The following UNC5C variants were observed in gnomAD, a reference collection of about 807,000 sequenced individuals.
The protein encoded by UNC5C is netrin receptor UNC5C.
UNC5C carries 47 observed loss-of-function variants against 99.8 expected under a neutral mutation model. The observed-to-expected ratio is 0.47, with a 90% CI of 0.37 to 0.60. The LOEUF is 0.60. Among genes scored for constraint, UNC5C ranks in the 20% least tolerant of loss-of-function variants. The pLI is 0.00. For missense variants in UNC5C, 1,062 were observed against 1,165.9 expected (o/e 0.91, Z 1.30); for synonymous variants, 487 against 452.2 (o/e 1.08, Z -0.98).
rs1735858310 is a variant in UNC5C at position 95,166,405 on chromosome 4, T to C, written c.*2829A>G. The C allele has an allele frequency of 6.6e-6, 1 of 152,230 alleles. No homozygotes were observed. The highest frequency in any genetic ancestry group is 1.5e-5 in the Non-Finnish European group (1 of 68,040). The allele number at this position is 152,230 out of a possible 1,614,324, so 9.4% of individuals were successfully genotyped here. On this transcript the variant is annotated 3_prime_UTR_variant, in exon 16 of 16. Coordinates refer to ENST00000453304, the MANE Select transcript of UNC5C (RefSeq NM_003728.4). ...ACTTAATAGGAAACATTAAGGGTTC[T>C]GACAGATGAGTACCTCACACACGAA...
chr4:95,334,048 C>T (rs1743230990), intron 2 of UNC5C, among the ~76,000 whole-genome samples: 1 of 151,986 alleles, frequency 6.6e-6, no homozygotes, highest in African/African-American at 2.4e-5. Context: ...ATTCAGTGAG[C>T]ATATTGATTC....
Position 95,219,053 on chromosome 4 carries a change from T to C in UNC5C, c.1561A>G (p.Ser521Gly). 1 of 1,614,160 alleles carries C rather than the reference T, an allele frequency of 6.2e-7. No individual in the cohort carries two copies. Among genetic ancestry groups the C allele is most frequent in the Non-Finnish European group, 8.5e-7 (1 of 1,180,016 alleles). Residue 521 changes from serine (S) to glycine (G), a missense_variant, in exon 9 of 16, where the codon AGT becomes GGT. Physicochemically the swap from Ser to Gly is moderately conservative, Grantham distance 56 (BLOSUM62 0). Around this residue, in one of 3 missense-constraint regions of UNC5C, gnomAD observed 810 missense variants for 854.5 expected, o/e 0.95. Transcript: ENST00000453304. ...ENEALSLKNQ[S>G]LARQTDPSCT... ...GATGGATCAGTCTGCCTTGCTAGAC[T>C]CTGGTTCTTCAGGCTGAGGGCTTCA...
At chr4:95,488,004 C>A (rs1053388732) in intron 1 of UNC5C, among the ~76,000 whole-genome samples, 1 of 151,664 alleles carries the variant, frequency 6.6e-6, no homozygotes, top group Admixed American at 6.6e-5. Context: ...CAAAACTTTT[C>A]GGATGTTTTG....
intron 1 of UNC5C, among the ~76,000 whole-genome samples, chr4:95,360,526 TAAGTA>T (rs1310305223): frequency 6.6e-6 from 1 of 152,188 alleles, no homozygotes; most frequent in Non-Finnish European, 1.5e-5. Context: ...GATTCCAAGT[TAAGTA>T]GTGCAATACA....
Position 95,183,211 on chromosome 4 carries a change from A to G in UNC5C, c.2287-150T>C. On this transcript the variant is annotated intron_variant, in intron 13 of 15. Transcript: ENST00000453304. ...ATGTTTAAGTACATCCTGGACCCTT[A>G]TCACATGAAAAACTTGAGGGCCAGA... The G allele has an allele frequency of 5.7e-6, 4 of 698,140 alleles. No homozygotes were observed. The South Asian group carries it at 1.2e-4, about 21-fold the overall frequency. The allele number at this position is 698,140 out of a possible 1,614,324, so 43.2% of individuals were successfully genotyped here.
intron 3 of UNC5C, among the ~76,000 whole-genome samples, chr4:95,299,261 A>G (rs910599654): frequency 1.3e-5 from 2 of 152,186 alleles, no homozygotes; most frequent in Non-Finnish European, 1.5e-5. Flanking sequence ...AGTAAAGACT[A>G]TGTGAAGACA....
intron 14 of UNC5C, among the ~76,000 whole-genome samples, chr4:95,177,132 G>T (rs923526761): frequency 6.6e-6 from 1 of 152,106 alleles, no homozygotes; most frequent in Non-Finnish European, 1.5e-5. Context: ...ACTGACCTGC[G>T]CCCACTGTCT....
intron 1 of UNC5C, among the ~76,000 whole-genome samples, chr4:95,509,936 T>C (rs940322129): frequency 6.6e-6 from 1 of 151,912 alleles, no homozygotes. Flanking sequence ...ATAATTACAA[T>C]ATTGTTAGAT....
In UNC5C at chr4:95,167,409, A is replaced by G. The variant is rs1735899773; in HGVS notation, c.*1825T>C. 6.6e-6 allele frequency: 1 copy of G among 152,052 alleles called. No individual in the cohort carries two copies. The highest frequency in any genetic ancestry group is 1.5e-5 in the Non-Finnish European group (1 of 68,044). 9.4% of individuals were successfully genotyped at this position (152,052 alleles called of 1,614,324 possible). A position where few individuals can be genotyped will look rare whatever the true frequency, so the allele number is the denominator to read the frequency against. On this transcript the variant is annotated 3_prime_UTR_variant, in exon 16 of 16. Coordinates refer to ENST00000453304, the MANE Select transcript of UNC5C (RefSeq NM_003728.4). ...GTGTGTTGACTAACAAACATTTTGC[A>G]GGACAAAAGTTTTTAAAGAGCTAAC...
At chr4:95,462,778 C>G (rs1379782949) in intron 1 of UNC5C, among the ~76,000 whole-genome samples, 1 of 152,110 alleles carries the variant, frequency 6.6e-6, no homozygotes, top group Non-Finnish European at 1.5e-5. Flanking sequence ...TGGCCCTATT[C>G]TTGTTGATAT....
At chr4:95,309,534 T>A (rs140307016) in intron 2 of UNC5C, among the ~76,000 whole-genome samples, 1 of 152,142 alleles carries the variant, frequency 6.6e-6, no homozygotes, top group Non-Finnish European at 1.5e-5. Flanking sequence ...ACCATACATC[T>A]GATAAAGGGT....
In UNC5C at chr4:95,342,336, T is replaced by C. The variant is rs375832123; in HGVS notation, c.125-6705A>G. ...AGCTACCAGCTCAGCCACGGTAGGATAGGGTACTGGGCAGTCCTGAGGCCC... is the reference window on the plus strand; with the variant it reads ...AGCTACCAGCTCAGCCACGGTAGGACAGGGTACTGGGCAGTCCTGAGGCCC... On this transcript the variant is annotated intron_variant, in intron 1 of 15. Transcript: ENST00000453304. 3.7e-4 allele frequency among the ~76,000 whole-genome samples: 57 copies of C among 152,040 alleles called. No individual in the cohort carries two copies. The Middle Eastern group carries it at 0.01, about 27-fold the overall frequency.
At chr4:95,538,961 C>A (rs778335372) in intron 1 of UNC5C, among the ~76,000 whole-genome samples, 51 of 152,028 alleles carry the variant, frequency 3.4e-4, no homozygotes, top group Admixed American at 2.6e-4. Context: ...ATAAAGCCAC[C>A]AATATGGCAT....
chr4:95,306,459 C>T (rs746944888), intron 2 of UNC5C, among the ~76,000 whole-genome samples: 33 of 152,042 alleles, frequency 2.2e-4, no homozygotes, highest in Admixed American at 2.0e-4. Flanking sequence ...GCCTCGGCCT[C>T]GCAAAGTGAT....
At chr4:95,196,727 A>AATATATATTATATTTATGTAATATATT (rs1737410490) in intron 12 of UNC5C, among the ~76,000 whole-genome samples, 3 of 95,606 alleles carry the variant, frequency 3.1e-5, no homozygotes, top group African/African-American at 1.3e-4. Flanking sequence ...TAAATGTACA[A>AATATATATTATATTTATGTAATATATT]ATATATATTA....
intron 1 of UNC5C, among the ~76,000 whole-genome samples, chr4:95,404,044 C>A (rs1745769856): frequency 6.6e-6 from 1 of 151,720 alleles, no homozygotes; most frequent in Non-Finnish European, 1.5e-5. Flanking sequence ...TGTAAACTTT[C>A]TTCTCTTCCA....
At chr4:95,546,536 A>G (rs2149498072) in intron 1 of UNC5C, among the ~76,000 whole-genome samples, 1 of 152,330 alleles carries the variant, frequency 6.6e-6, no homozygotes, top group South Asian at 2.1e-4. Context: ...ACAGACCATG[A>G]GATTCAAACA....
At chr4:95,456,146 A>G (rs149662330) in intron 1 of UNC5C, among the ~76,000 whole-genome samples, 1 of 152,096 alleles carries the variant, frequency 6.6e-6, no homozygotes, top group African/African-American at 2.4e-5. Context: ...TTTCGTGTGT[A>G]TAATGGTAAT....
chr4:95,391,171 CTG>C (rs1482761517), intron 1 of UNC5C, among the ~76,000 whole-genome samples: 1 of 152,202 alleles, frequency 6.6e-6, no homozygotes, highest in Non-Finnish European at 1.5e-5. Context: ...TCATGTGGAA[CTG>C]TGAGTCCATT....
Sources: allele counts gnomAD v4.1 joint callset (sites outside exome capture counted in the v4.1 genomes callset), GRCh38; gene constraint gnomAD v4.1.1; regional missense constraint gnomAD v4.1.1; transcripts MANE v1.5; gene names NCBI Gene and HGNC (gene_info 2026-07-23, HGNC 2026-07-21).